Variants in ABCB7 observed in about 807,000 individuals in gnomAD.
The protein encoded by ABCB7 is iron-sulfur clusters transporter ABCB7, mitochondrial.
Under a neutral mutation model 54.4 loss-of-function variants are expected in ABCB7, and 7 were observed. The observed-to-expected ratio is 0.13, with a 90% CI of 0.07 to 0.24. The LOEUF is 0.24. ABCB7 is among the 10% of genes least tolerant of loss of function. The pLI, the probability that ABCB7 is intolerant of heterozygous loss-of-function variation, is 1.00. For synonymous variants in ABCB7, 218 were observed against 207.1 expected, an observed-to-expected ratio of 1.05 and a Z score of -0.45; for missense variants, 356 against 570.4, an observed-to-expected ratio of 0.62 and a Z score of 3.83.
At chrX:75,156,028 C>T (rs972658027) in intron 1 of ABCB7, 77 bp downstream of exon 1, 3 of 1,104,642 alleles carry the variant, frequency 2.7e-6, no homozygotes. Context: ...CTCTCTGCCC[C>T]GAGGTCAGGA....
intron 4 of ABCB7, among the ~76,000 whole-genome samples, chrX:75,095,634 C>G (rs2081584300): frequency 8.9e-6 from 1 of 112,237 alleles, no homozygotes; most frequent in African/African-American, 3.2e-5. Flanking sequence ...TTTCTATATG[C>G]TTTGAAAGTA....
At chrX:75,068,777 T>C (rs956231843) in intron 12 of ABCB7, among the ~76,000 whole-genome samples, 3 of 112,181 alleles carry the variant, frequency 2.7e-5, no homozygotes, top group African/African-American at 9.7e-5. Flanking sequence ...CTGTGTTCTT[T>C]GTATTCTATT....
chrX:75,155,191 C>T (rs752202234), intron 1 of ABCB7, among the ~76,000 whole-genome samples: 1 of 112,848 alleles, frequency 8.9e-6, no homozygotes, highest in South Asian at 3.6e-4. Context: ...CTCTTAGTAC[C>T]CTATCATCTA....
intron 4 of ABCB7, among the ~76,000 whole-genome samples, chrX:75,091,629 A>G (rs1431939107): frequency 1.8e-5 from 2 of 110,556 alleles, no homozygotes; most frequent in Non-Finnish European, 3.8e-5. Flanking sequence ...GACAAAATAA[A>G]ACTGTCTTTG....
intron 4 of ABCB7, among the ~76,000 whole-genome samples, chrX:75,098,079 C>T (rs1158770673): frequency 9.0e-6 from 1 of 111,225 alleles, no homozygotes; most frequent in African/African-American, 3.3e-5. Context: ...GAGGTCGAGG[C>T]GGGTGGATCA....
intron 15 of ABCB7, among the ~76,000 whole-genome samples, chrX:75,055,369 G>T (rs1315606634): frequency 9.3e-6 from 1 of 107,459 alleles, no homozygotes; most frequent in Non-Finnish European, 1.9e-5. Context: ...TAAAAACAAA[G>T]ACATTCTCCT....
intron 1 of ABCB7, among the ~76,000 whole-genome samples, chrX:75,143,792 T>C: frequency 9.0e-6 from 1 of 110,658 alleles, no homozygotes; most frequent in Non-Finnish European, 1.9e-5. Flanking sequence ...ACTTATTCAC[T>C]ATCACGAGAA....
At chrX:75,119,764 G>A (rs748515878) in intron 1 of ABCB7, among the ~76,000 whole-genome samples, 3 of 111,486 alleles carry the variant, frequency 2.7e-5, no homozygotes, top group Non-Finnish European at 1.9e-5. Context: ...CTATAACTTC[G>A]TGTATGTTAT....
chrX:75,156,129 G>A lies in ABCB7; in HGVS notation c.144C>T (p.Ala48=), dbSNP rs772546011. ...GPQWRPHQLG[A]LGTARAYQIP... ...CCTGGTAGGCTCGAGCGGTTCCCAA[G>A]GCGCCGAGTTGATGTGGCCTCCACT... Residue 48 remains alanine (A), a synonymous_variant, in exon 1 of 16, where the codon GCC becomes GCT. Transcript: ENST00000373394. 4 of 1,207,956 alleles carry A rather than the reference G, an allele frequency of 3.3e-6. No individual in the cohort carries two copies. The highest frequency in any genetic ancestry group is 3.5e-5 in the African/African-American group (2 of 56,992).
At chrX:75,057,304 T>C (rs899835474) in intron 15 of ABCB7, among the ~76,000 whole-genome samples, 1 of 110,809 alleles carries the variant, frequency 9.0e-6, no homozygotes, top group African/African-American at 3.3e-5. Context: ...AAAGGTAGCA[T>C]GCTATATTCT....
At chrX:75,146,710 A>G (rs1602417943) in intron 1 of ABCB7, among the ~76,000 whole-genome samples, 1 of 112,016 alleles carries the variant, frequency 8.9e-6, no homozygotes, top group Non-Finnish European at 1.9e-5. Context: ...CAAAAGTATA[A>G]AAACCATGGA....
At chrX:75,079,566 C>T (rs59879797) in intron 4 of ABCB7, among the ~76,000 whole-genome samples, 9,073 of 111,472 alleles carry the variant, frequency 0.081, 923 homozygotes, top group African/African-American at 0.28. Flanking sequence ...AAGAGACCCA[C>T]GTACCCTTCA....
intron 1 of ABCB7, among the ~76,000 whole-genome samples, chrX:75,125,404 G>T (rs1489948128): frequency 1.8e-5 from 2 of 111,551 alleles, no homozygotes; most frequent in East Asian, 5.6e-4. Context: ...AAGGTATTTG[G>T]CTTTGTAAAT....
At chrX:75,098,296 G>A (rs1229028791) in intron 4 of ABCB7, among the ~76,000 whole-genome samples, 1 of 104,983 alleles carries the variant, frequency 9.5e-6, no homozygotes, top group Non-Finnish European at 1.9e-5. Flanking sequence ...GCAACAGAGT[G>A]AGACTCTGTA....
rs1162228693 is a variant in ABCB7 at position 75,062,578 on chromosome X, G to C, written c.1832-147C>G. ...GTTCATTTTACTGAGTTGTAGAGTT[G>C]AAGTTCATATACAATATCTTTTGAC... is the stretch of plus-strand genomic sequence containing the variant. On this transcript the variant is annotated intron_variant, in intron 13 of 15. Coordinates refer to ENST00000373394, the MANE Select transcript of ABCB7 (RefSeq NM_001271696.3). The C allele has an allele frequency of 4.9e-5, 24 of 491,667 alleles. No homozygotes were observed. In the East Asian group the frequency reaches 8.6e-4, roughly 18 times the overall value. The allele number at this position is 491,667 out of a possible 1,213,427, so 40.5% of individuals were successfully genotyped here.
intron 9 of ABCB7, 98 bp downstream of exon 9, chrX:75,071,411 C>T (rs2081362515): frequency 3.0e-6 from 3 of 989,823 alleles, no homozygotes; most frequent in African/African-American, 1.9e-5. Context: ...AGCACTTTAA[C>T]ATCCTTTATA....
chrX:75,113,106 T>C, intron 2 of ABCB7, 134 bp from the exon 3 acceptor site: 1 of 519,528 alleles, frequency 1.9e-6, no homozygotes, highest in South Asian at 2.8e-5. Flanking sequence ...TCTGGCATAG[T>C]AAAGCAAAAC....
chrX:75,066,340 A>G (rs1374187851), intron 12 of ABCB7, among the ~76,000 whole-genome samples: 1 of 111,759 alleles, frequency 8.9e-6, no homozygotes, highest in Non-Finnish European at 1.9e-5. Flanking sequence ...AATCATTTAT[A>G]TACCTATTAA....
At chrX:75,115,712 C>T (rs1602386819) in intron 1 of ABCB7, among the ~76,000 whole-genome samples, 1 of 108,221 alleles carries the variant, frequency 9.2e-6, no homozygotes, top group Admixed American at 1.0e-4. Flanking sequence ...ACTGAATGGC[C>T]CCCCTCCTGG....
Sources: allele counts gnomAD v4.1 joint callset (sites outside exome capture counted in the v4.1 genomes callset), GRCh38; gene constraint gnomAD v4.1.1; transcripts MANE v1.5; gene names NCBI Gene and HGNC (gene_info 2026-07-23, HGNC 2026-07-21).